ALDH1L2: variants seen among roughly 807,000 people sequenced by gnomAD.
The protein encoded by ALDH1L2 is mitochondrial 10-formyltetrahydrofolate dehydrogenase.
Under a neutral mutation model 111.0 loss-of-function variants are expected in ALDH1L2, and 91 were observed. That is an observed-to-expected ratio of 0.82 (90% CI 0.69 to 0.98). The LOEUF is 0.98. Ranked by LOEUF, ALDH1L2 falls within the 50% of genes least tolerant of loss-of-function variation. The pLI is 0.00. For synonymous variants in ALDH1L2, 374 were observed against 392.6 expected (o/e 0.95, Z 0.56); for missense variants, 995 against 1,126.8 (o/e 0.88, Z 1.67).
intron 1 of ALDH1L2, among the ~76,000 whole-genome samples, chr12:105,079,750 A>G (rs1878248438): frequency 6.6e-6 from 1 of 152,192 alleles, no homozygotes; most frequent in South Asian, 2.1e-4. Flanking sequence ...AAAAGATCAC[A>G]GATAAGACTA....
intron 1 of ALDH1L2, among the ~76,000 whole-genome samples, chr12:105,077,248 C>A (rs1878097544): frequency 6.6e-6 from 1 of 151,598 alleles, no homozygotes. Context: ...ATGATAAGTT[C>A]TATAATCTAA....
chr12:105,040,370 C>T (rs535906911), intron 16 of ALDH1L2, among the ~76,000 whole-genome samples: 9 of 151,984 alleles, frequency 5.9e-5, no homozygotes, highest in Non-Finnish European at 1.2e-4. Context: ...AATGGAACAT[C>T]TTAGGGTAAT....
Position 105,052,837 on chromosome 12 carries a change from T to C in ALDH1L2, c.1382A>G (p.Asp461Gly). Residue 461 changes from aspartate (D) to glycine (G), a missense_variant, in exon 11 of 23, where the codon GAC becomes GGC. Physicochemically the swap from Asp to Gly is moderately conservative, Grantham distance 94. Coordinates refer to ENST00000258494, the MANE Select transcript of ALDH1L2 (RefSeq NM_001034173.4). ...AGATCCATCTGTTGGGTTGATAGTGTCGTAAGTCTTTCCATCGTCTGCATC... is the reference window on the plus strand; with the variant it reads ...AGATCCATCTGTTGGGTTGATAGTGCCGTAAGTCTTTCCATCGTCTGCATC... ...FTDADDGKTY[D>G]TINPTDGSTI... The C allele has an allele frequency of 1.2e-6, 2 of 1,614,140 alleles. No homozygotes were observed. Among genetic ancestry groups the C allele is most frequent in the South Asian group, 2.2e-5 (2 of 91,074 alleles).
rs1310469932 is a variant in ALDH1L2 at position 105,020,078 on chromosome 12, G to A, written c.*4346C>T. On this transcript the variant is annotated 3_prime_UTR_variant, in exon 23 of 23. Transcript: ENST00000258494. ...TTTAATCATTTTAAAAATCTACTCA[G>A]GCATCATTTGTATAATAGTAATAAT... 4 of 152,064 alleles carry A rather than the reference G, an allele frequency of 2.6e-5. No homozygotes were observed. Among genetic ancestry groups the A allele is most frequent in the Non-Finnish European group, 5.9e-5 (4 of 67,986 alleles). 9.4% of individuals were successfully genotyped at this position (152,064 alleles called of 1,614,324 possible).
intron 12 of ALDH1L2, chr12:105,050,520 G>T: frequency 3.3e-6 from 1 of 304,718 alleles, no homozygotes; most frequent in Non-Finnish European, 6.6e-6. Flanking sequence ...GGGAAGGTAA[G>T]TGCAGGACTG....
chr12:105,063,455 G>A (rs1363954570), intron 6 of ALDH1L2, among the ~76,000 whole-genome samples: 9 of 149,390 alleles, frequency 6.0e-5, no homozygotes, highest in Non-Finnish European at 1.3e-4. Context: ...CAGCCTGGGC[G>A]ACAGAGCCAG....
chr12:105,038,230 A>C, intron 17 of ALDH1L2, 28 bp from the exon 18 acceptor site: 3 of 1,461,094 alleles, frequency 2.1e-6, no homozygotes, highest in Non-Finnish European at 2.9e-6. Context: ...AGAAATGAGC[A>C]TTTAGTTAAC....
chr12:105,049,879 C>T (rs1382858486), intron 13 of ALDH1L2, 29 bp downstream of exon 13: 12 of 1,585,096 alleles, frequency 7.6e-6, no homozygotes, highest in Non-Finnish European at 8.6e-6. Context: ...GTCCCTTTTT[C>T]TTTCAGAACA....
chr12:105,036,445 A>G (rs1352764102), intron 18 of ALDH1L2, among the ~76,000 whole-genome samples: 2 of 108,884 alleles, frequency 1.8e-5, no homozygotes, highest in Non-Finnish European at 3.6e-5. Flanking sequence ...TATTATATAT[A>G]TCCATATATA....
intron 12 of ALDH1L2, 43 bp downstream of exon 12, chr12:105,052,045 CAG>C: frequency 6.8e-7 from 1 of 1,474,654 alleles, no homozygotes. Context: ...CTGTCTCTAC[CAG>C]AGTTACTTTT....
chr12:105,070,890 T>C (rs1360761151), intron 2 of ALDH1L2, 86 bp from the exon 3 acceptor site: 8 of 1,119,318 alleles, frequency 7.1e-6, no homozygotes, highest in Non-Finnish European at 1.0e-5. Context: ...TTTTACAGTT[T>C]CATGAAATAT....
In ALDH1L2 at chr12:105,024,219, A is replaced by G. The variant is rs1051703658; in HGVS notation, c.*205T>C. 6.6e-6 allele frequency: 4 copies of G among 607,198 alleles called. No individual in the cohort carries two copies. Among genetic ancestry groups the G allele is most frequent in the African/African-American group, 1.9e-5 (1 of 53,938 alleles). The allele number at this position is 607,198 out of a possible 1,614,324, so 37.6% of individuals were successfully genotyped here. On this transcript the variant is annotated 3_prime_UTR_variant, in exon 23 of 23. Transcript: ENST00000258494. ...TGATATACAACATAGTCAAAATGCAACAACTCCAAATCACTGGAAGGTGTA... is the reference window on the plus strand; with the variant it reads ...TGATATACAACATAGTCAAAATGCAGCAACTCCAAATCACTGGAAGGTGTA...
At chr12:105,044,600 G>A (rs4628767) in intron 15 of ALDH1L2, among the ~76,000 whole-genome samples, 3,893 of 111,422 alleles carry the variant, frequency 0.035, 25 homozygotes, top group South Asian at 0.058. Flanking sequence ...AAGAGTGGGA[G>A]ACAGTACTCT....
intron 16 of ALDH1L2, 28 bp downstream of exon 16, chr12:105,040,579 T>C: frequency 1.2e-6 from 2 of 1,608,200 alleles, no homozygotes; most frequent in Non-Finnish European, 1.7e-6. Flanking sequence ...TCATTAGTTA[T>C]AGCACAGTCG....
intron 10 of ALDH1L2, among the ~76,000 whole-genome samples, chr12:105,054,798 G>A (rs1876513515): frequency 6.6e-6 from 1 of 152,076 alleles, no homozygotes; most frequent in African/African-American, 2.4e-5. Context: ...TGATCCTCCT[G>A]CCTCAGCCTC....
intron 2 of ALDH1L2, 122 bp from the exon 3 acceptor site, chr12:105,070,926 AATTTAG>A: frequency 1.2e-6 from 1 of 843,332 alleles, no homozygotes; most frequent in Admixed American, 2.8e-5. Context: ...GGTGAAGAAC[AATTTAG>A]ATTGTGACTA....
chr12:105,045,643 A>T (rs1875797413), intron 15 of ALDH1L2, among the ~76,000 whole-genome samples: 1 of 152,050 alleles, frequency 6.6e-6, no homozygotes, highest in African/African-American at 2.4e-5. Flanking sequence ...TTCACTATCT[A>T]CCTCTTTGTA....
intron 10 of ALDH1L2, among the ~76,000 whole-genome samples, chr12:105,053,256 A>C (rs1441530129): frequency 1.3e-5 from 2 of 152,232 alleles, no homozygotes; most frequent in Non-Finnish European, 2.9e-5. Context: ...GCATTGGTGG[A>C]GCGCAGCTGT....
rs776161082 is a variant in ALDH1L2, at chr12:105,046,929, T to G, written c.1727A>C (p.Asn576Thr). 1 of 1,614,198 alleles carries G rather than the reference T, an allele frequency of 6.2e-7. No individual in the cohort carries two copies. Among genetic ancestry groups the G allele is most frequent in the Admixed American group, 1.7e-5 (1 of 60,026 alleles). The change falls in exon 14 of 23, where the codon AAT becomes ACT. Residue 576 changes from asparagine (N) to threonine (T), a missense_variant. Physicochemically the swap from Asn to Thr is moderately conservative, Grantham distance 65. Coordinates refer to ENST00000258494, the MANE Select transcript of ALDH1L2 (RefSeq NM_001034173.4). ...TGGCTCTTTCTTGGTGAAGGTCAGATTGCGATTTGGACGGGCCTGGTTGAT... is the reference window on the plus strand; with the variant it reads ...TGGCTCTTTCTTGGTGAAGGTCAGAGTGCGATTTGGACGGGCCTGGTTGAT... ...IPINQARPNR[N>T]LTFTKKEPLG...
Sources: gnomAD v4.1 joint callset for allele counts (sites outside exome capture counted in the v4.1 genomes callset) on GRCh38, gnomAD v4.1.1 for gene constraint, MANE v1.5 for transcripts, NCBI Gene and HGNC (gene_info 2026-07-23, HGNC 2026-07-21) for gene names.